Variants in HIVEP1 observed in about 807,000 individuals in gnomAD.
The protein encoded by HIVEP1 is zinc finger protein 40.
A neutral mutation model predicts 180.0 loss-of-function variants in HIVEP1; 36 were observed. That is an observed-to-expected ratio of 0.20 (90% CI 0.15 to 0.26). The LOEUF is 0.26. HIVEP1 is among the 10% of genes least tolerant of loss of function. The pLI is 1.00. For synonymous variants in HIVEP1, 1,239 were observed against 1,239.0 expected (o/e 1.00, Z 0.00); for missense variants, 3,143 against 3,268.7 (o/e 0.96, Z 0.94).
intron 7 of HIVEP1, among the ~76,000 whole-genome samples, chr6:12,143,899 A>G (rs895798056): frequency 6.6e-6 from 1 of 152,230 alleles, no homozygotes; most frequent in Non-Finnish European, 1.5e-5. Context: ...ACACAAACAA[A>G]TGGAAGAACA....
intron 2 of HIVEP1, among the ~76,000 whole-genome samples, chr6:12,018,211 G>A (rs544876035): frequency 1.3e-5 from 2 of 152,350 alleles, no homozygotes; most frequent in Non-Finnish European, 2.9e-5. Flanking sequence ...CGCCAACTGG[G>A]AACTCTAGCT....
At chr6:12,104,396 T>TTCTCTC (rs70981664) in intron 3 of HIVEP1, among the ~76,000 whole-genome samples, 29,386 of 126,092 alleles carry the variant, frequency 0.23, 4,378 homozygotes, top group Non-Finnish European at 0.33. Context: ...CTCTCTTCGT[T>TTCTCTC]TCTCTCTCTC....
chr6:12,154,684 A>G lies in HIVEP1; in HGVS notation c.6488-6755A>G, dbSNP rs566657099. 6.6e-5 allele frequency among the ~76,000 whole-genome samples: 10 copies of G among 152,168 alleles called. No individual in the cohort carries two copies. The East Asian group carries it at 1.9e-3, about 29-fold the overall frequency. On this transcript the variant is annotated intron_variant, in intron 7 of 8. Coordinates refer to ENST00000379388, the MANE Select transcript of HIVEP1 (RefSeq NM_002114.4). ...GGGAGAGCATTAGGACAAATACCTA[A>G]TGCATACGGGGCTTGAAACCTAGAA...
At chr6:12,044,180 A>T (rs1769963092) in intron 2 of HIVEP1, among the ~76,000 whole-genome samples, 1 of 152,126 alleles carries the variant, frequency 6.6e-6, no homozygotes, top group Non-Finnish European at 1.5e-5. Flanking sequence ...CTGAATAAGA[A>T]TTCTAAGTGA....
At chr6:12,181,503 T>C in the HIVEP1 span, among the ~76,000 whole-genome samples, 1 of 152,136 alleles carries the variant, frequency 6.6e-6, no homozygotes, top group Non-Finnish European at 1.5e-5. Context: ...CTCAACCTCC[T>C]GGTCTCAAGC....
chr6:12,017,291 A>C (rs965709475), intron 2 of HIVEP1, among the ~76,000 whole-genome samples: 2 of 152,066 alleles, frequency 1.3e-5, no homozygotes, highest in African/African-American at 4.8e-5. Context: ...CCTCGCCGTG[A>C]GTGTTATAGC....
At chr6:12,202,057 C>A in the HIVEP1 span, among the ~76,000 whole-genome samples, 1 of 151,796 alleles carries the variant, frequency 6.6e-6, no homozygotes. Context: ...TTCTAGTTTC[C>A]TAAGAATAAA....
the HIVEP1 span, among the ~76,000 whole-genome samples, chr6:12,211,265 T>C: frequency 3.1e-5 from 3 of 95,330 alleles, no homozygotes; most frequent in African/African-American, 5.3e-5. Context: ...CCGGGCGTGG[T>C]GGCAGGTGCC....
the HIVEP1 span, among the ~76,000 whole-genome samples, chr6:12,181,933 G>A: frequency 1.3e-5 from 2 of 151,914 alleles, no homozygotes; most frequent in African/African-American, 4.8e-5. Flanking sequence ...TATTTTCTTT[G>A]CCAAAATAGC....
chr6:12,168,661 T>C (rs1237695731), downstream of HIVEP1, among the ~76,000 whole-genome samples: 2 of 151,962 alleles, frequency 1.3e-5, no homozygotes, highest in Non-Finnish European at 2.9e-5. Context: ...CTTATGATGC[T>C]GGGCAGCAGC....
Position 12,130,836 on chromosome 6 carries a change from T to G in HIVEP1, c.6279T>G (p.Cys2093Trp). The change falls in exon 6 of 9, where the codon TGT (cysteine) becomes TGG (tryptophan). Residue 2093 changes from cysteine to tryptophan, a missense_variant. Cys to Trp is a radical substitution (Grantham distance 215, BLOSUM62 -2). Transcript: ENST00000379388. Reference protein sequence around the residue: ...RGRGKYICEECGIRCKKPSML... With the variant: ...RGRGKYICEEWGIRCKKPSML... ...GAGGAAAATACATTTGTGAAGAATG[T>G]GGAATACGTTGTAAGAAACCTAGCA... The G allele has an allele frequency of 6.2e-7, 1 of 1,611,842 alleles. No individual in the cohort carries two copies. The highest frequency in any genetic ancestry group is 1.7e-5 in the Admixed American group (1 of 60,016).
rs1769177692 is a variant in HIVEP1, at chr6:12,034,875, G to A, written c.40+19207G>A. Among the ~76,000 whole-genome samples the A allele has an allele frequency of 2.6e-5, 4 of 152,198 alleles. No individual in the cohort carries two copies. In the South Asian group the frequency reaches 8.3e-4, roughly 31 times the overall value. On this transcript the variant is annotated intron_variant, in intron 2 of 8. Coordinates refer to ENST00000379388, the MANE Select transcript of HIVEP1 (RefSeq NM_002114.4). ...TGTACCAGGCTGTGTGTGGCATCCT[G>A]ATCTGACATGCCACTGAAACAGCCT...
At chr6:12,168,336 T>C (rs1409304142), downstream of HIVEP1, among the ~76,000 whole-genome samples, 150 of 126,140 alleles carry the variant, frequency 1.2e-3, 2 homozygotes, top group East Asian at 0.017. Context: ...ATTATATAAT[T>C]ATATATACAT....
rs962280496 is a variant in HIVEP1 at position 12,117,515 on chromosome 6, A to C, written c.95-2375A>C. The stretch of plus-strand genomic sequence containing the variant: ...TCAATGTCATTTTCTTTTAAGTACA[A>C]GGTTACAGTTTTTGTTGTTGTTGTT... On this transcript the variant is annotated intron_variant, in intron 3 of 8. Coordinates refer to ENST00000379388, the MANE Select transcript of HIVEP1 (RefSeq NM_002114.4). 4.1e-4 allele frequency among the ~76,000 whole-genome samples: 62 copies of C among 152,182 alleles called. 2 individuals carry two copies.
At chr6:12,168,874 A>C (rs1163113397), downstream of HIVEP1, among the ~76,000 whole-genome samples, 1 of 152,096 alleles carries the variant, frequency 6.6e-6, no homozygotes, top group African/African-American at 2.4e-5. Flanking sequence ...AGTAGGTTAG[A>C]TATATTAAAT....
chr6:12,044,342 A>G (rs564524836), intron 2 of HIVEP1, among the ~76,000 whole-genome samples: 22 of 152,318 alleles, frequency 1.4e-4, no homozygotes, highest in Middle Eastern at 3.4e-3. Context: ...AATATATTCT[A>G]ATTTCTAAAC....
At chr6:12,129,366 T>C (rs1758283843) in intron 4 of HIVEP1, among the ~76,000 whole-genome samples, 3 of 152,220 alleles carry the variant, frequency 2.0e-5, no homozygotes, top group Admixed American at 1.3e-4. Flanking sequence ...AGCTAGCTCT[T>C]TTCCATCTCC....
At chr6:12,095,643 TCTGAGAATGTAGTATAAAAGTAC>T (rs1467672519) in intron 3 of HIVEP1, among the ~76,000 whole-genome samples, 1 of 151,990 alleles carries the variant, frequency 6.6e-6, no homozygotes, top group African/African-American at 2.4e-5. Context: ...ATCAAAATTT[TCTGAGAATGTAGTATAAAAGTAC>T]TCATAGATTT....
intron 3 of HIVEP1, among the ~76,000 whole-genome samples, chr6:12,106,403 A>T (rs1263170170): frequency 6.6e-6 from 1 of 152,110 alleles, no homozygotes; most frequent in Non-Finnish European, 1.5e-5. Context: ...AGCCACTTTT[A>T]AACAAAAACT....
Sources: allele counts gnomAD v4.1 joint callset (sites outside exome capture counted in the v4.1 genomes callset), GRCh38; gene constraint gnomAD v4.1.1; transcripts MANE v1.5; gene names NCBI Gene and HGNC (gene_info 2026-07-23, HGNC 2026-07-21).